Variants in AKAP13 observed in about 807,000 individuals in gnomAD.
AKAP13 encodes A-kinase anchor protein 13.
Under a neutral mutation model 264.5 loss-of-function variants are expected in AKAP13, and 80 were observed. That is an observed-to-expected ratio of 0.30 (90% confidence interval 0.25 to 0.36). AKAP13 has a LOEUF of 0.36. Among genes scored for constraint, AKAP13 ranks in the 10% least tolerant of loss-of-function variants. The pLI is 1.00. For synonymous variants in AKAP13, 1,380 were observed against 1,250.2 expected, an observed-to-expected ratio of 1.10 and a Z score of -2.19; for missense variants, 3,712 against 3,435.2, an observed-to-expected ratio of 1.08 and a Z score of -2.01.
chr15:85,623,315 A>G (rs2081275660), intron 8 of AKAP13, among the ~76,000 whole-genome samples: 1 of 152,254 alleles, frequency 6.6e-6, no homozygotes, highest in African/African-American at 2.4e-5. Context: ...GCATCATGTT[A>G]TATAAATTGT....
At chr15:85,448,581 T>A (rs541380587) in intron 1 of AKAP13, among the ~76,000 whole-genome samples, 3 of 152,310 alleles carry the variant, frequency 2.0e-5, no homozygotes, top group Admixed American at 2.0e-4. Flanking sequence ...AACTTGTACA[T>A]ATGGTTAGCC....
chr15:85,686,783 A>G (rs1283632804), intron 16 of AKAP13, among the ~76,000 whole-genome samples: 1 of 152,256 alleles, frequency 6.6e-6, no homozygotes, highest in African/African-American at 2.4e-5. Flanking sequence ...AAATTAGCCA[A>G]GTATTATTAA....
chr15:85,637,932 G>A lies in AKAP13; in HGVS notation c.4162-1442G>A, dbSNP rs2082138123. ...TCTCTGTCACCCAGGCTGGAGTGCA[G>A]TGGCGCGATCTTCACTCACTGCAAG... On this transcript the variant is annotated intron_variant, in intron 8 of 36. Coordinates refer to ENST00000394518, the MANE Select transcript of AKAP13 (RefSeq NM_007200.5). Among the ~76,000 whole-genome samples, 5 of 143,268 alleles carry A rather than the reference G, an allele frequency of 3.5e-5. No individual in the cohort carries two copies. In the Middle Eastern group the frequency reaches 0.018, roughly 527 times the overall value. 94.0% of individuals were successfully genotyped at this position (143,268 alleles called of 152,430 possible). A position where few individuals can be genotyped will look rare whatever the true frequency, so the allele number is the denominator to read the frequency against.
rs1235263101 is a variant in AKAP13 at position 85,664,666 on chromosome 15, A to G, written c.4903A>G (p.Ser1635Gly). The change falls in exon 13 of 37, where the codon AGT becomes GGT. Residue 1635 changes from serine (S) to glycine (G), a missense_variant. Ser to Gly is a moderately conservative substitution (Grantham distance 56). This residue lies in a region of AKAP13 where 2,759 missense variants were observed against 2,411.7 expected (regional missense o/e 1.14). Coordinates refer to ENST00000394518, the MANE Select transcript of AKAP13 (RefSeq NM_007200.5). ...ANAEELRHPF[S>G]GEERVDSLVS... Reference sequence around the variant, plus strand: ...TGCCGAAGAGCTCAGACACCCATTCAGTGGTGAGGAACGGGTTGACTCTTT... The same window carrying G: ...TGCCGAAGAGCTCAGACACCCATTCGGTGGTGAGGAACGGGTTGACTCTTT... 5 of 1,614,150 alleles carry G rather than the reference A, an allele frequency of 3.1e-6. No individual in the cohort carries two copies. Among genetic ancestry groups the G allele is most frequent in the Middle Eastern group, 1.7e-4 (1 of 6,060 alleles).
intron 4 of AKAP13, among the ~76,000 whole-genome samples, chr15:85,541,549 C>T (rs550927994): frequency 5.3e-5 from 8 of 152,174 alleles, no homozygotes; most frequent in Admixed American, 5.2e-4. Flanking sequence ...GGTTTTATTT[C>T]CTAGCAAAAA....
rs764122141 is a variant in AKAP13, at chr15:85,581,190, C to CTCTGTTGCCATG, written c.3133_3144dup (p.Cys1045_Pro1048dup). The CTCTGTTGCCATG allele has an allele frequency of 1.2e-6, 2 of 1,614,148 alleles. No homozygotes were observed. Among genetic ancestry groups the CTCTGTTGCCATG allele is most frequent in the East Asian group, 2.2e-5 (1 of 44,866 alleles). On this transcript the variant is annotated inframe_insertion, in exon 7 of 37. Transcript: ENST00000394518. ...TTGGGGGCAGAGCACAACAGCTCCG[C>CTCTGTTGCCATG]TCTGTTGCCATGTCTGTTGCCAGAT...
intron 12 of AKAP13, among the ~76,000 whole-genome samples, chr15:85,661,927 A>G (rs2083369151): frequency 6.7e-6 from 1 of 148,436 alleles, no homozygotes; most frequent in Admixed American, 6.7e-5. Flanking sequence ...AAACCGGATG[A>G]CTCCATGAGC....
chr15:85,501,986 C>T (rs987130494), intron 2 of AKAP13, among the ~76,000 whole-genome samples: 3 of 152,244 alleles, frequency 2.0e-5, no homozygotes, highest in African/African-American at 4.8e-5. Context: ...ACTGGTACGG[C>T]GGAGCATGGT....
At chr15:85,444,579 G>A (rs927522087) in intron 1 of AKAP13, among the ~76,000 whole-genome samples, 2 of 152,124 alleles carry the variant, frequency 1.3e-5, no homozygotes, top group Non-Finnish European at 2.9e-5. Context: ...TAGAAAAATT[G>A]GGAAGAAAAT....
At chr15:85,464,207 C>T (rs1205767580) in intron 1 of AKAP13, among the ~76,000 whole-genome samples, 1 of 152,168 alleles carries the variant, frequency 6.6e-6, no homozygotes, top group Admixed American at 6.5e-5. Context: ...TATCTCCCTT[C>T]CCTGTCCCTG....
intron 14 of AKAP13, among the ~76,000 whole-genome samples, chr15:85,675,103 A>G (rs1489169648): frequency 3.3e-5 from 5 of 152,180 alleles, no homozygotes; most frequent in Non-Finnish European, 5.9e-5. Flanking sequence ...AAATTTCCAT[A>G]TGTCAGGGAT....
intron 1 of AKAP13, among the ~76,000 whole-genome samples, chr15:85,433,962 T>C (rs1178308386): frequency 2.7e-5 from 4 of 148,558 alleles, no homozygotes; most frequent in Non-Finnish European, 4.5e-5. Flanking sequence ...AAATAAAAAA[T>C]AGGGAGGAGC....
rs1382318187 is a variant in AKAP13 at position 85,442,513 on chromosome 15, TATATATTATATTATATATA to T, written c.-11-43190_-11-43172del. On this transcript the variant is annotated intron_variant, in intron 1 of 36. Coordinates refer to ENST00000394518, the MANE Select transcript of AKAP13 (RefSeq NM_007200.5). ...ATAATATATATTATATTATATATAA[TATATATTATATTATATATA>T]ATATATATTATATATATATTTATTT... 2.0e-4 allele frequency among the ~76,000 whole-genome samples: 22 copies of T among 111,308 alleles called. No individual in the cohort carries two copies. In the South Asian group the frequency reaches 6.2e-3, roughly 31 times the overall value. The allele number at this position is 111,308 out of a possible 152,430, so 73.0% of individuals were successfully genotyped here.
intron 5 of AKAP13, among the ~76,000 whole-genome samples, chr15:85,548,575 C>G (rs938258708): frequency 2.6e-5 from 4 of 152,080 alleles, no homozygotes; most frequent in African/African-American, 9.7e-5. Flanking sequence ...GTTCTGCCTA[C>G]ATCACAAGGT....
chr15:85,466,209 T>C (rs8031018), intron 1 of AKAP13, among the ~76,000 whole-genome samples: 33,695 of 150,414 alleles, frequency 0.22, 4,555 homozygotes, highest in African/African-American at 0.35. Context: ...TGTTTGTTTT[T>C]TTCTTGTAAA....
At chr15:85,514,167 G>C (rs1020727586) in intron 2 of AKAP13, among the ~76,000 whole-genome samples, 1 of 137,018 alleles carries the variant, frequency 7.3e-6, no homozygotes, top group African/African-American at 3.0e-5. Flanking sequence ...ATATGTTTGC[G>C]CAGTGATAAT....
intron 8 of AKAP13, among the ~76,000 whole-genome samples, chr15:85,630,188 C>G (rs1567164431): frequency 1.3e-5 from 1 of 77,354 alleles, no homozygotes; most frequent in African/African-American, 5.3e-5. Context: ...CACACACACA[C>G]ACACACACAC....
intron 2 of AKAP13, among the ~76,000 whole-genome samples, chr15:85,514,764 C>T (rs529529998): frequency 2.9e-5 from 4 of 136,640 alleles, no homozygotes; most frequent in African/African-American, 1.2e-4. Context: ...TATCAATTGC[C>T]TATCAATTGT....
chr15:85,406,980 C>G (rs986632117), intron 1 of AKAP13, among the ~76,000 whole-genome samples: 3 of 151,654 alleles, frequency 2.0e-5, no homozygotes, highest in Non-Finnish European at 4.4e-5. Context: ...AGGATAAGAT[C>G]TCTGGATTTT....
Sources: allele counts gnomAD v4.1 joint callset (sites outside exome capture counted in the v4.1 genomes callset), GRCh38; gene constraint gnomAD v4.1.1; regional missense constraint gnomAD v4.1.1; transcripts MANE v1.5; gene names NCBI Gene and HGNC (gene_info 2026-07-23, HGNC 2026-07-21).